FHL1: variants seen among roughly 807,000 people sequenced by gnomAD.
FHL1 encodes the protein four and a half LIM domains 1, also known as four and a half LIM domains protein 1.
A neutral mutation model predicts 20.3 loss-of-function variants in FHL1; 1 was observed. The ratio of observed to expected loss-of-function variants is 0.05; its 90% CI spans 0.02 to 0.23. FHL1 has a LOEUF of 0.23. Among genes scored for constraint, FHL1 ranks in the 10% least tolerant of loss-of-function variants. FHL1 has a pLI of 1.00. For synonymous variants in FHL1, 82 were observed against 88.9 expected (o/e 0.92, Z 0.44); for missense variants, 177 against 234.0 (o/e 0.76, Z 1.59).
At chrX:136,201,702 G>T (rs1405547686) in intron 1 of FHL1, among the ~76,000 whole-genome samples, 3 of 110,288 alleles carry the variant, frequency 2.7e-5, no homozygotes, top group Admixed American at 9.6e-5. Flanking sequence ...TGGGTGGGGG[G>T]CCCTCTCTTG....
intron 2 of FHL1, among the ~76,000 whole-genome samples, chrX:136,172,781 G>A (rs1217117818): frequency 1.8e-5 from 2 of 112,308 alleles, no homozygotes; most frequent in Non-Finnish European, 3.8e-5. Flanking sequence ...CGCCCAGGCT[G>A]GAGTGCAGTG....
chrX:136,170,065 C>A (rs143490410), intron 2 of FHL1: 6 of 253,769 alleles, frequency 2.4e-5, no homozygotes, highest in Middle Eastern at 4.8e-4. Context: ...GTACAAAGGG[C>A]TTTATTTGTA....
At position 136,210,380 on chromosome X, in the gene FHL1, G is replaced by C. The variant is rs771621361; in HGVS notation, c.*355G>C. The C allele has an allele frequency of 2.1e-4, 83 of 396,979 alleles. No individual in the cohort carries two copies. The highest frequency in any genetic ancestry group is 1.7e-3 in the African/African-American group (68 of 40,997). The allele number at this position is 396,979 out of a possible 1,213,427, so 32.7% of individuals were successfully genotyped here. ...TAGGAGATAAAACCCCCACTGAGATGCCTCTCATGCCTCAGCTGGGACCCA... is the reference window on the plus strand; with the variant it reads ...TAGGAGATAAAACCCCCACTGAGATCCCTCTCATGCCTCAGCTGGGACCCA... On this transcript the variant is annotated 3_prime_UTR_variant, in exon 6 of 6. Transcript: ENST00000370683.
In FHL1 at chrX:136,209,838, G is replaced by C. The variant is rs1450864503; in HGVS notation, c.737-33G>C. On this transcript the variant is annotated intron_variant, in intron 5 of 5. Coordinates refer to ENST00000370683, the MANE Select transcript of FHL1 (RefSeq NM_001159699.2). ...CTGTATTCATTCAGCTGTTTCTCTTGTTTTCTTTTCTTTTCTTTTTTTTTC... is the reference window on the plus strand; with the variant it reads ...CTGTATTCATTCAGCTGTTTCTCTTCTTTTCTTTTCTTTTCTTTTTTTTTC... 1.9e-5 allele frequency: 23 copies of C among 1,194,418 alleles called. No individual in the cohort carries two copies. The Admixed American group carries it at 2.7e-4, about 14-fold the overall frequency.
chrX:136,177,587 CAT>C (rs1383862118), intron 2 of FHL1, among the ~76,000 whole-genome samples: 6 of 112,121 alleles, frequency 5.4e-5, no homozygotes, highest in Non-Finnish European at 3.8e-5. Flanking sequence ...AATAAGCTCA[CAT>C]GTGAATTTTC....
chrX:136,149,009 A>G (rs2072190892), intron 1 of FHL1, among the ~76,000 whole-genome samples: 1 of 112,609 alleles, frequency 8.9e-6, no homozygotes, highest in South Asian at 3.6e-4. Flanking sequence ...GAATAGATCC[A>G]GTTTTCCTAA....
At chrX:136,193,694 A>G (rs2073485991), upstream of FHL1, among the ~76,000 whole-genome samples, 1 of 109,836 alleles carries the variant, frequency 9.1e-6, no homozygotes. Flanking sequence ...CCTTATATCT[A>G]GTTTTTCCTT....
intron 5 of FHL1, among the ~76,000 whole-genome samples, chrX:136,208,959 AGGGGGTGGGGGAGGGT>A (rs1269260993): frequency 2.6e-4 from 1 of 3,862 alleles, no homozygotes; most frequent in African/African-American, 1.0e-3. Context: ...GGTAGAAAGA[AGGGGGTGGGGGAGGGT>A]GGGGAAGGGG....
intron 2 of FHL1, among the ~76,000 whole-genome samples, chrX:136,174,273 A>G (rs772158636): frequency 1.8e-5 from 2 of 111,941 alleles, no homozygotes; most frequent in African/African-American, 6.5e-5. Flanking sequence ...GTTGAGGGCA[A>G]ACATTTCAGA....
intron 1 of FHL1, among the ~76,000 whole-genome samples, chrX:136,158,088 C>A (rs138769339): frequency 5.9e-4 from 66 of 111,623 alleles, no homozygotes; most frequent in Non-Finnish European, 9.8e-4. Context: ...TCCACCCATC[C>A]CTCCAGCTAG....
chrX:136,188,417 C>T (rs768321864), intron 2 of FHL1, among the ~76,000 whole-genome samples: 83 of 111,449 alleles, frequency 7.4e-4, no homozygotes, highest in African/African-American at 2.6e-3. Flanking sequence ...TGATATGCCC[C>T]TGTTCCCTTC....
At chrX:136,180,633 T>A (rs1430870350) in intron 2 of FHL1, among the ~76,000 whole-genome samples, 2 of 112,906 alleles carry the variant, frequency 1.8e-5, no homozygotes, top group Non-Finnish European at 3.7e-5. Flanking sequence ...TATATTGAAC[T>A]ATTTTTAAAA....
At chrX:136,163,685 G>A (rs1379032714) in intron 1 of FHL1, among the ~76,000 whole-genome samples, 1 of 111,636 alleles carries the variant, frequency 9.0e-6, no homozygotes, top group African/African-American at 3.3e-5. Context: ...CTTCTGGGAG[G>A]GCCAGTGCTC....
chrX:136,201,772 C>T (rs759673057), intron 1 of FHL1, among the ~76,000 whole-genome samples: 52 of 110,461 alleles, frequency 4.7e-4, no homozygotes, highest in Non-Finnish European at 8.0e-4. Context: ...AGGGCTACAC[C>T]GAGACATTAA....
chrX:136,151,325 T>A (rs2072257311), intron 1 of FHL1, among the ~76,000 whole-genome samples: 1 of 113,046 alleles, frequency 8.8e-6, no homozygotes. Context: ...CTCTACATAA[T>A]GTAGCAGAAC....
chrX:136,196,776 G>A (rs1261530943), upstream of FHL1: 12 of 1,159,903 alleles, frequency 1.0e-5, no homozygotes, highest in South Asian at 3.9e-5. Context: ...TGCCAGAGCC[G>A]AGTCCAAATT....
intron 1 of FHL1, among the ~76,000 whole-genome samples, chrX:136,151,509 C>T (rs1032836400): frequency 1.8e-5 from 2 of 111,796 alleles, no homozygotes; most frequent in South Asian, 3.7e-4. Flanking sequence ...CCCAGGAGTT[C>T]GAGACCAGTC....
chrX:136,197,784 A>G (rs2148352516), intron 1 of FHL1, among the ~76,000 whole-genome samples: 1 of 112,108 alleles, frequency 8.9e-6, no homozygotes, highest in East Asian at 2.8e-4. Flanking sequence ...CAAGAAATCT[A>G]TGAACTAGGG....
At chrX:136,198,001 A>T (rs762177053) in intron 1 of FHL1, among the ~76,000 whole-genome samples, 1 of 110,423 alleles carries the variant, frequency 9.1e-6, no homozygotes, top group Non-Finnish European at 1.9e-5. Flanking sequence ...CATTTTTTAA[A>T]ACTCATTGCC....
Sources: allele counts gnomAD v4.1 joint callset (sites outside exome capture counted in the v4.1 genomes callset), GRCh38; gene constraint gnomAD v4.1.1; transcripts MANE v1.5; gene names NCBI Gene and HGNC (gene_info 2026-07-23, HGNC 2026-07-21).